Variants in HS6ST3 observed in about 807,000 individuals in gnomAD.
The protein encoded by HS6ST3 is heparan-sulfate 6-O-sulfotransferase 3.
In HS6ST3, 12 loss-of-function variants were observed where a neutral mutation model predicts 36.7. That is an observed-to-expected ratio of 0.33 (90% CI 0.21 to 0.53). The LOEUF (loss-of-function observed/expected upper bound fraction) is 0.53, where lower values mean the gene tolerates loss of function less well. Ranked by LOEUF, HS6ST3 falls within the 20% of genes least tolerant of loss-of-function variation. HS6ST3 has a pLI of 0.95. For missense variants in HS6ST3, 584 were observed against 640.9 expected (o/e 0.91, Z 0.96); for synonymous variants, 240 against 257.5 (o/e 0.93, Z 0.65).
chr13:96,712,635 A>G (rs770242188), intron 1 of HS6ST3, among the ~76,000 whole-genome samples: 1 of 152,152 alleles, frequency 6.6e-6, no homozygotes, highest in African/African-American at 2.4e-5. Flanking sequence ...TGCCATCCAA[A>G]TCGATCAAGG....
intron 1 of HS6ST3, among the ~76,000 whole-genome samples, chr13:96,641,130 A>C (rs2056568712): frequency 1.3e-5 from 2 of 151,952 alleles, no homozygotes; most frequent in Non-Finnish European, 2.9e-5. Context: ...TTGATTCTGT[A>C]CACTGCTTTG....
At chr13:96,749,304 G>A (rs1214985818) in intron 1 of HS6ST3, among the ~76,000 whole-genome samples, 1 of 152,046 alleles carries the variant, frequency 6.6e-6, no homozygotes, top group Non-Finnish European at 1.5e-5. Flanking sequence ...AGTGAAAAAA[G>A]CATAATATGT....
chr13:96,614,140 TAC>T (rs1195442323), intron 1 of HS6ST3, among the ~76,000 whole-genome samples: 1 of 150,888 alleles, frequency 6.6e-6, no homozygotes, highest in Admixed American at 6.6e-5. Context: ...CTACTAAAAA[TAC>T]AAAAAATTAG....
chr13:96,450,265 T>G (rs1230796670), intron 1 of HS6ST3, among the ~76,000 whole-genome samples: 2 of 152,206 alleles, frequency 1.3e-5, no homozygotes, highest in Admixed American at 6.5e-5. Flanking sequence ...TTTATGACCC[T>G]ATTTGATAGA....
At chr13:96,683,703 G>A (rs1271270960) in intron 1 of HS6ST3, among the ~76,000 whole-genome samples, 1 of 151,990 alleles carries the variant, frequency 6.6e-6, no homozygotes, top group Non-Finnish European at 1.5e-5. Flanking sequence ...ATAAACTCTT[G>A]CTTGCATTTT....
In HS6ST3 at chr13:96,298,925, C is replaced by A. The variant is rs2054868430; in HGVS notation, c.707+207356C>A. 3.3e-5 allele frequency among the ~76,000 whole-genome samples: 5 copies of A among 152,074 alleles called. No homozygotes were observed. The South Asian group carries it at 1.0e-3, about 32-fold the overall frequency. On this transcript the variant is annotated intron_variant, in intron 1 of 1. Transcript: ENST00000376705. ...TTGGAGATAAAGGAAAAGCAATATC[C>A]TTTTTAAATTTGTAAGTTCAGTTGT... is the stretch of plus-strand genomic sequence containing the variant.
intron 1 of HS6ST3, among the ~76,000 whole-genome samples, chr13:96,611,113 A>C (rs569925438): frequency 8.0e-4 from 118 of 146,652 alleles, no homozygotes; most frequent in African/African-American, 2.9e-3. Context: ...TTTTATTTTT[A>C]TTTTTTATTT....
At chr13:96,382,480 T>TA (rs1327536221) in intron 1 of HS6ST3, among the ~76,000 whole-genome samples, 3 of 152,232 alleles carry the variant, frequency 2.0e-5, no homozygotes, top group African/African-American at 7.2e-5. Context: ...TATATCTTGA[T>TA]AAACTCCATT....
chr13:96,799,618 C>A (rs1480510002), intron 1 of HS6ST3, among the ~76,000 whole-genome samples: 1 of 123,846 alleles, frequency 8.1e-6, no homozygotes, highest in East Asian at 2.5e-4. Flanking sequence ...ACATCACACA[C>A]TGGGGACTGT....
intron 1 of HS6ST3, among the ~76,000 whole-genome samples, chr13:96,130,209 G>GT (rs1454629263): frequency 2.3e-4 from 35 of 151,904 alleles, no homozygotes; most frequent in Admixed American, 2.3e-3. Flanking sequence ...AATCTTTTTT[G>GT]TTTTTTAGAA....
chr13:96,662,049 T>C (rs2056648102), intron 1 of HS6ST3, among the ~76,000 whole-genome samples: 1 of 152,170 alleles, frequency 6.6e-6, no homozygotes, highest in Non-Finnish European at 1.5e-5. Flanking sequence ...ACGTGGACTT[T>C]GAATAGCCTG....
At chr13:96,152,360 C>T (rs993501227) in intron 1 of HS6ST3, among the ~76,000 whole-genome samples, 4 of 50,116 alleles carry the variant, frequency 8.0e-5, no homozygotes, top group African/African-American at 2.0e-4. Flanking sequence ...TGTTTTGAGA[C>T]GGAGTCTCGC....
chr13:96,232,051 G>C (rs1030315078), intron 1 of HS6ST3, among the ~76,000 whole-genome samples: 1 of 152,190 alleles, frequency 6.6e-6, no homozygotes, highest in South Asian at 2.1e-4. Flanking sequence ...TAGGAAAGTT[G>C]AAGAAATGTG....
At chr13:96,450,213 G>C (rs1171800323) in intron 1 of HS6ST3, among the ~76,000 whole-genome samples, 1 of 152,170 alleles carries the variant, frequency 6.6e-6, no homozygotes, top group Non-Finnish European at 1.5e-5. Context: ...GGCTTGAACA[G>C]AGTCATTTTT....
At chr13:96,487,975 A>G (rs2055924229) in intron 1 of HS6ST3, among the ~76,000 whole-genome samples, 1 of 152,150 alleles carries the variant, frequency 6.6e-6, no homozygotes, top group African/African-American at 2.4e-5. Context: ...GTGGTCAACC[A>G]CATCACATAC....
intron 1 of HS6ST3, among the ~76,000 whole-genome samples, chr13:96,678,291 T>C (rs147119442): frequency 9.2e-5 from 14 of 152,298 alleles, no homozygotes; most frequent in African/African-American, 3.1e-4. Flanking sequence ...CTGCCAACAG[T>C]ATTGTTTTGG....
chr13:96,395,609 C>T (rs933535470), intron 1 of HS6ST3, among the ~76,000 whole-genome samples: 4 of 152,190 alleles, frequency 2.6e-5, no homozygotes, highest in Non-Finnish European at 4.4e-5. Context: ...GTGCTCCTCC[C>T]CAGTGTCCCT....
chr13:96,158,222 G>A (rs1294357344), intron 1 of HS6ST3, among the ~76,000 whole-genome samples: 1 of 152,126 alleles, frequency 6.6e-6, no homozygotes, highest in African/African-American at 2.4e-5. Context: ...GCCTGGCTGT[G>A]CAGGAGGAGT....
chr13:96,536,250 C>G (rs2056154919), intron 1 of HS6ST3, among the ~76,000 whole-genome samples: 1 of 152,178 alleles, frequency 6.6e-6, no homozygotes, highest in South Asian at 2.1e-4. Flanking sequence ...CACTTAGAAG[C>G]TTTGGCAGAA....
Sources: allele counts gnomAD v4.1 joint callset (sites outside exome capture counted in the v4.1 genomes callset), GRCh38; gene constraint gnomAD v4.1.1; transcripts MANE v1.5; gene names NCBI Gene and HGNC (gene_info 2026-07-23, HGNC 2026-07-21).